The following SLC4A10 variants were observed in gnomAD, a reference collection of about 807,000 sequenced individuals.
SLC4A10 encodes the protein solute carrier family 4 member 10.
In SLC4A10, 42 loss-of-function variants were observed where a neutral mutation model predicts 137.7. That is an observed-to-expected ratio of 0.30 (90% confidence interval 0.24 to 0.39). The LOEUF (loss-of-function observed/expected upper bound fraction) is 0.39, where lower values mean the gene tolerates loss of function less well. Ranked by LOEUF, SLC4A10 falls within the 10% of genes least tolerant of loss-of-function variation. The pLI is 1.00. For synonymous variants in SLC4A10, 474 were observed against 464.1 expected (o/e 1.02, Z -0.27); for missense variants, 925 against 1,355.0 (o/e 0.68, Z 4.98).
chr2:161,672,000 A>C (rs1477593780), intron 1 of SLC4A10, among the ~76,000 whole-genome samples: 1 of 152,174 alleles, frequency 6.6e-6, no homozygotes, highest in Non-Finnish European at 1.5e-5. Context: ...AAGAAAGTGC[A>C]CTTAAGGTGA....
At chr2:161,742,120 T>C (rs1258583637) in intron 1 of SLC4A10, among the ~76,000 whole-genome samples, 1 of 152,214 alleles carries the variant, frequency 6.6e-6, no homozygotes, top group Admixed American at 6.5e-5. Flanking sequence ...AACAATGTTC[T>C]CAAGTTCCAT....
rs540603714 is a variant in SLC4A10, at chr2:161,948,767, T to C, written c.2266-381T>C. ...ATGCTTCAAGTTTATCATATTAAAG[T>C]GTTACCTGTGTGAAAGAGATCCCTA... is the stretch of plus-strand genomic sequence containing the variant. On this transcript the variant is annotated intron_variant, in intron 17 of 26. Transcript: ENST00000446997. Among the ~76,000 whole-genome samples, 4 of 152,234 alleles carry C rather than the reference T, an allele frequency of 2.6e-5. No homozygotes were observed. In the East Asian group the frequency reaches 5.8e-4, roughly 22 times the overall value.
intron 1 of SLC4A10, chr2:161,708,828 AG>A: frequency 7.8e-6 from 12 of 1,530,266 alleles, no homozygotes; most frequent in Non-Finnish European, 1.0e-5. Flanking sequence ...CTAAGTCATC[AG>A]GTATGACCTC....
chr2:161,851,366 A>G (rs1348704182), intron 4 of SLC4A10, among the ~76,000 whole-genome samples: 1 of 152,150 alleles, frequency 6.6e-6, no homozygotes. Context: ...TAAGTCTCTA[A>G]GAACTTGTTT....
At chr2:161,980,708 C>T (rs1700103282) in intron 26 of SLC4A10, among the ~76,000 whole-genome samples, 1 of 152,288 alleles carries the variant, frequency 6.6e-6, no homozygotes, top group South Asian at 2.1e-4. Context: ...GTTTACTTAG[C>T]ATCATGACAG....
chr2:161,654,178 C>A (rs1034659588), intron 1 of SLC4A10, among the ~76,000 whole-genome samples: 2 of 152,094 alleles, frequency 1.3e-5, no homozygotes, highest in Admixed American at 6.6e-5. Context: ...TGTATGTCTT[C>A]TTTGGAGAAG....
rs1449781396 is a variant in SLC4A10, at chr2:161,719,281, A to G, written c.49-51692A>G. 6.6e-5 allele frequency among the ~76,000 whole-genome samples: 10 copies of G among 152,046 alleles called. No homozygotes were observed. The South Asian group carries it at 2.1e-3, about 32-fold the overall frequency. ...GTATTCCATGGTGTATATGTGCCAC[A>G]TTTTCTTAATCCAGTCTATCATTGT... On this transcript the variant is annotated intron_variant, in intron 1 of 26. Transcript: ENST00000446997.
chr2:161,967,228 G>A (rs775598309), intron 23 of SLC4A10, among the ~76,000 whole-genome samples: 3 of 152,082 alleles, frequency 2.0e-5, no homozygotes, highest in Non-Finnish European at 2.9e-5. Flanking sequence ...GTTCATTGGC[G>A]TGTCTACATT....
Position 161,793,794 on chromosome 2 carries a change from T to C in SLC4A10, c.131-10655T>C, listed in dbSNP as rs1443321403. The stretch of plus-strand genomic sequence containing the variant: ...ACTTTCAAACTGCTTCTAAATATCT[T>C]AGGTACATTTGTAATATGAAAATAT... On this transcript the variant is annotated intron_variant, in intron 2 of 26. Transcript: ENST00000446997. Among the ~76,000 whole-genome samples, 4 of 152,266 alleles carry C rather than the reference T, an allele frequency of 2.6e-5. No individual in the cohort carries two copies. In the East Asian group the frequency reaches 7.7e-4, roughly 29 times the overall value.
intron 15 of SLC4A10, among the ~76,000 whole-genome samples, chr2:161,929,017 G>A (rs917127341): frequency 1.3e-5 from 2 of 151,932 alleles, no homozygotes; most frequent in African/African-American, 4.8e-5. Context: ...TCTTATGTAT[G>A]GATTTACTTT....
At chr2:161,767,178 A>C in intron 1 of SLC4A10, among the ~76,000 whole-genome samples, 1 of 95,946 alleles carries the variant, frequency 1.0e-5, no homozygotes, top group Admixed American at 1.3e-4. Flanking sequence ...ATTTATATAT[A>C]TGTGTGTGTG....
chr2:161,699,029 A>ATTG (rs2042856000), intron 1 of SLC4A10, among the ~76,000 whole-genome samples: 1 of 151,782 alleles, frequency 6.6e-6, no homozygotes, highest in African/African-American at 2.4e-5. Context: ...TATTATTATT[A>ATTG]TTTTATTTGA....
intron 15 of SLC4A10, among the ~76,000 whole-genome samples, chr2:161,927,554 T>C (rs988240237): frequency 2.6e-5 from 4 of 152,084 alleles, no homozygotes; most frequent in Non-Finnish European, 4.4e-5. Context: ...TTCTGCACAG[T>C]AAAAGAAACT....
chr2:161,787,705 T>C (rs986125483), intron 2 of SLC4A10, among the ~76,000 whole-genome samples: 2 of 152,150 alleles, frequency 1.3e-5, no homozygotes, highest in African/African-American at 2.4e-5. Context: ...CTTGGTCTAG[T>C]CTTTTGTTAA....
At chr2:161,766,832 T>A (rs909753454) in intron 1 of SLC4A10, among the ~76,000 whole-genome samples, 5 of 151,778 alleles carry the variant, frequency 3.3e-5, no homozygotes, top group Admixed American at 6.6e-5. Flanking sequence ...TTTTCATTTT[T>A]AAAAATTTTT....
At chr2:161,830,903 G>A (rs1423750416) in intron 3 of SLC4A10, among the ~76,000 whole-genome samples, 1 of 152,102 alleles carries the variant, frequency 6.6e-6, no homozygotes, top group Non-Finnish European at 1.5e-5. Context: ...AGGATAGCAG[G>A]GGCCTGATTT....
intron 15 of SLC4A10, among the ~76,000 whole-genome samples, chr2:161,909,568 AC>A (rs1360208886): frequency 3.9e-5 from 6 of 152,172 alleles, no homozygotes; most frequent in African/African-American, 1.4e-4. Context: ...ATGGGGTCTG[AC>A]TAGATTTCCT....
Position 161,906,315 on chromosome 2 carries a change from C to T in SLC4A10, c.1997+428C>T, listed in dbSNP as rs374461363. Among the ~76,000 whole-genome samples the T allele has an allele frequency of 3.6e-4, 55 of 152,240 alleles. No individual in the cohort carries two copies. In the South Asian group the frequency reaches 5.6e-3, roughly 16 times the overall value. ...ATAAGGTAAAATAAACTTATTGGGT[C>T]TAAATCTTAGTAGATGTTTGAAAGT... is the stretch of plus-strand genomic sequence containing the variant. On this transcript the variant is annotated intron_variant, in intron 15 of 26. Coordinates refer to ENST00000446997, the MANE Select transcript of SLC4A10 (RefSeq NM_001178015.2).
intron 1 of SLC4A10, among the ~76,000 whole-genome samples, chr2:161,651,545 C>T (rs972515634): frequency 1.3e-5 from 2 of 152,190 alleles, no homozygotes; most frequent in Non-Finnish European, 2.9e-5. Flanking sequence ...TATGACCTCC[C>T]TGAGTCAGGG....
Sources: allele counts gnomAD v4.1 joint callset (sites outside exome capture counted in the v4.1 genomes callset), GRCh38; gene constraint gnomAD v4.1.1; transcripts MANE v1.5; gene names NCBI Gene and HGNC (gene_info 2026-07-23, HGNC 2026-07-21).